EYA2: variants seen among roughly 807,000 people sequenced by gnomAD.
EYA2 encodes EYA transcriptional coactivator and phosphatase 2, also known as protein phosphatase EYA2.
A neutral mutation model predicts 69.2 loss-of-function variants in EYA2; 31 were observed. That is an observed-to-expected ratio of 0.45 (90% CI 0.34 to 0.60). EYA2 has a LOEUF of 0.60. Ranked by LOEUF, EYA2 falls within the 20% of genes least tolerant of loss-of-function variation. EYA2 has a pLI of 0.02. For synonymous variants in EYA2, 257 were observed against 279.4 expected, an observed-to-expected ratio of 0.92 and a Z score of 0.80; for missense variants, 622 against 701.2, an observed-to-expected ratio of 0.89 and a Z score of 1.28.
At chr20:47,148,208 A>G (rs1187641167) in intron 10 of EYA2, among the ~76,000 whole-genome samples, 1 of 152,114 alleles carries the variant, frequency 6.6e-6, no homozygotes, top group Non-Finnish European at 1.5e-5. Flanking sequence ...TGGATCCACC[A>G]TCTCCTAACC....
intron 5 of EYA2, among the ~76,000 whole-genome samples, chr20:47,036,761 A>G (rs1021167536): frequency 6.6e-6 from 1 of 152,128 alleles, no homozygotes; most frequent in Admixed American, 6.5e-5. Flanking sequence ...CACACCACCT[A>G]TGTCACCTGC....
chr20:46,983,558 A>G (rs1156901080), intron 1 of EYA2, among the ~76,000 whole-genome samples: 1 of 152,174 alleles, frequency 6.6e-6, no homozygotes, highest in Non-Finnish European at 1.5e-5. Flanking sequence ...AGCTCTGCTT[A>G]ATTTCTTGCC....
chr20:47,103,264 T>G (rs964191647), intron 9 of EYA2, among the ~76,000 whole-genome samples: 3 of 152,054 alleles, frequency 2.0e-5, no homozygotes, highest in African/African-American at 7.2e-5. Flanking sequence ...CCCCTGCCAT[T>G]TCCTTCTCCC....
chr20:47,117,356 C>G (rs1033184836), intron 9 of EYA2: 3 of 984,122 alleles, frequency 3.0e-6, no homozygotes, highest in Non-Finnish European at 3.6e-6. Flanking sequence ...TTCACACATT[C>G]ATCTGTGAGG....
intron 9 of EYA2, among the ~76,000 whole-genome samples, chr20:47,127,107 A>AT: frequency 9.5e-6 from 1 of 105,818 alleles, no homozygotes; most frequent in African/African-American, 3.5e-5. Context: ...TGAATCTCTT[A>AT]TAAAAAAAAA....
At chr20:46,949,158 A>AAGTG (rs1449524261) in intron 1 of EYA2, among the ~76,000 whole-genome samples, 1 of 152,190 alleles carries the variant, frequency 6.6e-6, no homozygotes, top group Non-Finnish European at 1.5e-5. Context: ...ACATGCCACC[A>AAGTG]CATACCAAGA....
chr20:47,162,671 G>A (rs115931259), intron 10 of EYA2, among the ~76,000 whole-genome samples: 2,808 of 151,446 alleles, frequency 0.019, 99 homozygotes, highest in African/African-American at 0.064. Flanking sequence ...GGTACATGTC[G>A]CTACACCTGG....
chr20:47,063,525 C>A (rs1303529093), intron 5 of EYA2, among the ~76,000 whole-genome samples: 1 of 151,928 alleles, frequency 6.6e-6, no homozygotes, highest in Non-Finnish European at 1.5e-5. Flanking sequence ...AGGAAAACCC[C>A]ACCTCTGCAC....
intron 1 of EYA2, among the ~76,000 whole-genome samples, chr20:46,896,208 G>A (rs1279759279): frequency 6.6e-6 from 1 of 152,154 alleles, no homozygotes; most frequent in African/African-American, 2.4e-5. Flanking sequence ...AATTATGTTT[G>A]AGTTAGGGAG....
chr20:47,148,092 C>T (rs974256346), intron 10 of EYA2, among the ~76,000 whole-genome samples: 6 of 151,722 alleles, frequency 4.0e-5, no homozygotes, highest in Admixed American at 6.6e-5. Flanking sequence ...AAAAATGGTC[C>T]GGGACACAGA....
chr20:46,945,116 G>GAA (rs3092347), intron 1 of EYA2, among the ~76,000 whole-genome samples: 21 of 146,338 alleles, frequency 1.4e-4, no homozygotes, highest in East Asian at 6.0e-4. Context: ...ACCTTGTCTG[G>GAA]AAAAAAAAAA....
At chr20:46,925,260 C>T (rs569709792) in intron 1 of EYA2, among the ~76,000 whole-genome samples, 4 of 152,148 alleles carry the variant, frequency 2.6e-5, no homozygotes, top group Non-Finnish European at 5.9e-5. Context: ...TGTCCTTTGG[C>T]GGAACACAAT....
chr20:46,902,101 A>G (rs959131722), intron 1 of EYA2, among the ~76,000 whole-genome samples: 13 of 152,160 alleles, frequency 8.5e-5, no homozygotes. Context: ...ACATAGAATC[A>G]GGCTTTTTTT....
intron 10 of EYA2, among the ~76,000 whole-genome samples, chr20:47,154,411 G>A (rs1224928200): frequency 1.3e-5 from 2 of 151,984 alleles, no homozygotes; most frequent in African/African-American, 2.4e-5. Context: ...AGACACAAAC[G>A]TTCAGTTCAT....
chr20:46,915,217 C>T (rs951224075), intron 1 of EYA2, among the ~76,000 whole-genome samples: 3 of 152,164 alleles, frequency 2.0e-5, no homozygotes, highest in South Asian at 2.1e-4. Context: ...GGGGCTGCCA[C>T]GTTTTTTCCT....
chr20:47,115,799 C>A lies in EYA2; in HGVS notation c.888+18631C>A, dbSNP rs113967956. Among the ~76,000 whole-genome samples, 341 of 152,330 alleles carry A rather than the reference C, an allele frequency of 2.2e-3. 4 individuals are homozygous for A. Among genetic ancestry groups the A allele is most frequent in the African/African-American group, 7.8e-3 (323 of 41,582 alleles). The stretch of plus-strand genomic sequence containing the variant: ...GAGAACCCTGCAGTGATGCTCACTG[C>A]CCTTAAGGCAAACTCTTTGCCATGA... On this transcript the variant is annotated intron_variant, in intron 9 of 15. Coordinates refer to ENST00000327619, the MANE Select transcript of EYA2 (RefSeq NM_005244.5).
intron 1 of EYA2, among the ~76,000 whole-genome samples, chr20:46,929,488 G>A (rs1405206407): frequency 1.3e-5 from 2 of 151,968 alleles, no homozygotes; most frequent in African/African-American, 4.8e-5. Context: ...TGCAAGGATG[G>A]TTTCAACTTC....
At chr20:47,186,499 A>G (rs759098485) in intron 15 of EYA2, among the ~76,000 whole-genome samples, 1 of 151,686 alleles carries the variant, frequency 6.6e-6, no homozygotes, top group African/African-American at 2.4e-5. Flanking sequence ...AGCTGGGATT[A>G]CAGGTGGCCA....
intron 9 of EYA2, among the ~76,000 whole-genome samples, chr20:47,104,745 G>A (rs2032526703): frequency 6.6e-6 from 1 of 152,130 alleles, no homozygotes; most frequent in Non-Finnish European, 1.5e-5. Flanking sequence ...TGGCAGCCAG[G>A]TGCAGTGGCT....
Sources: allele counts gnomAD v4.1 joint callset (sites outside exome capture counted in the v4.1 genomes callset), GRCh38; gene constraint gnomAD v4.1.1; transcripts MANE v1.5; gene names NCBI Gene and HGNC (gene_info 2026-07-23, HGNC 2026-07-21).